The following SEZ6L variants were observed in gnomAD, a reference collection of about 807,000 sequenced individuals.
SEZ6L encodes the protein seizure 6-like protein.
A neutral mutation model predicts 106.2 loss-of-function variants in SEZ6L; 37 were observed. That is an observed-to-expected ratio of 0.35 (90% CI 0.27 to 0.46). The LOEUF is 0.46. SEZ6L is among the 20% of genes least tolerant of loss of function. The pLI, the probability that SEZ6L is intolerant of heterozygous loss-of-function variation, is 1.00. For missense variants in SEZ6L, 1,172 were observed against 1,332.8 expected, an observed-to-expected ratio of 0.88 and a Z score of 1.88; for synonymous variants, 541 against 570.4, an observed-to-expected ratio of 0.95 and a Z score of 0.73.
At chr22:26,227,583 A>ATTTT (rs11415829) in intron 1 of SEZ6L, among the ~76,000 whole-genome samples, 2 of 140,010 alleles carry the variant, frequency 1.4e-5, no homozygotes, top group Non-Finnish European at 3.1e-5. Context: ...CTAATTTTTA[A>ATTTT]TTTTTTTTTT....
intron 1 of SEZ6L, among the ~76,000 whole-genome samples, chr22:26,250,247 A>G (rs540254576): frequency 1.3e-5 from 2 of 152,256 alleles, no homozygotes; most frequent in Middle Eastern, 3.4e-3. Context: ...GCCCAGACCA[A>G]TGAACCAAGA....
chr22:26,267,249 G>A (rs2080219952), intron 1 of SEZ6L, among the ~76,000 whole-genome samples: 1 of 152,190 alleles, frequency 6.6e-6, no homozygotes. Flanking sequence ...ACAAAAATGT[G>A]CCTCAGTGGC....
At chr22:26,215,424 T>C (rs2078272657) in intron 1 of SEZ6L, among the ~76,000 whole-genome samples, 1 of 152,138 alleles carries the variant, frequency 6.6e-6, no homozygotes, top group South Asian at 2.1e-4. Context: ...CTGGTCTTCT[T>C]TTTCCTTGCT....
At chr22:26,248,163 G>A (rs1035190085) in intron 1 of SEZ6L, among the ~76,000 whole-genome samples, 5 of 152,212 alleles carry the variant, frequency 3.3e-5, no homozygotes, top group African/African-American at 1.2e-4. Context: ...TGTGTGCCAG[G>A]TAGTTCGTAG....
intron 1 of SEZ6L, among the ~76,000 whole-genome samples, chr22:26,227,307 G>C (rs2145736646): frequency 6.6e-6 from 1 of 152,234 alleles, no homozygotes; most frequent in South Asian, 2.1e-4. Flanking sequence ...ACATCCCAAG[G>C]TTTTATTCTG....
intron 1 of SEZ6L, among the ~76,000 whole-genome samples, chr22:26,258,509 T>C (rs1220074614): frequency 6.6e-6 from 1 of 152,156 alleles, no homozygotes; most frequent in African/African-American, 2.4e-5. Flanking sequence ...CACAGCACAT[T>C]TGATGATAAT....
intron 1 of SEZ6L, among the ~76,000 whole-genome samples, chr22:26,266,572 CAAAAATAAATAAATAAATAA>C (rs2080192950): frequency 8.5e-6 from 1 of 117,886 alleles, no homozygotes; most frequent in East Asian, 2.4e-4. Flanking sequence ...GACTCCGTCT[CAAAAATAAATAAATAAATAA>C]ATAAATAAAT....
chr22:26,369,736 T>G (rs180984242), intron 13 of SEZ6L, among the ~76,000 whole-genome samples: 1 of 152,044 alleles, frequency 6.6e-6, no homozygotes, highest in African/African-American at 2.4e-5. Flanking sequence ...CTTCCCTCAT[T>G]CCCCCATAAT....
chr22:26,180,809 T>C (rs756196577), intron 1 of SEZ6L, among the ~76,000 whole-genome samples: 1 of 152,068 alleles, frequency 6.6e-6, no homozygotes, highest in African/African-American at 2.4e-5. Flanking sequence ...ATAAGGGAGG[T>C]TGGTAGGAAC....
Position 26,169,645 on chromosome 22 carries a change from C to T in SEZ6L, c.-25C>T, listed in dbSNP as rs925737012. ...CGCCGTCCGCCCGCCCCACAGCCAG[C>T]GGCTCCGCGCCCCCTGCAGCCACGA... On this transcript the variant is annotated 5_prime_UTR_variant, in exon 1 of 17. Transcript: ENST00000248933. The T allele has an allele frequency of 9.0e-6, 9 of 1,002,946 alleles. No homozygotes were observed. The highest frequency in any genetic ancestry group is 8.5e-5 in the African/African-American group (5 of 58,872). The allele number at this position is 1,002,946 out of a possible 1,614,324, so 62.1% of individuals were successfully genotyped here. A position where few individuals can be genotyped will look rare whatever the true frequency, so the allele number is the denominator to read the frequency against.
chr22:26,336,643 C>T (rs142759362), intron 9 of SEZ6L, among the ~76,000 whole-genome samples: 5 of 152,214 alleles, frequency 3.3e-5, no homozygotes, highest in African/African-American at 7.2e-5. Flanking sequence ...TGTTGCACAC[C>T]GTTTACAATG....
intron 13 of SEZ6L, among the ~76,000 whole-genome samples, chr22:26,369,915 C>T (rs1425095042): frequency 6.6e-6 from 1 of 152,136 alleles, no homozygotes; most frequent in East Asian, 1.9e-4. Context: ...TCATACCCGA[C>T]CTGAATTTAT....
intron 1 of SEZ6L, among the ~76,000 whole-genome samples, chr22:26,247,105 A>T (rs2145785298): frequency 6.6e-6 from 1 of 152,310 alleles, no homozygotes; most frequent in East Asian, 1.9e-4. Context: ...TCATCTCATG[A>T]TGTGAAATGA....
chr22:26,174,692 C>T (rs1273095964), intron 1 of SEZ6L, among the ~76,000 whole-genome samples: 1 of 152,134 alleles, frequency 6.6e-6, no homozygotes, highest in African/African-American at 2.4e-5. Flanking sequence ...AGAAGCATCC[C>T]TTTGGTGGCT....
chr22:26,315,261 C>G (rs1207467223), intron 9 of SEZ6L, among the ~76,000 whole-genome samples: 1 of 152,158 alleles, frequency 6.6e-6, no homozygotes, highest in African/African-American at 2.4e-5. Flanking sequence ...AGGAGGATTG[C>G]TTGAGACCAG....
intron 16 of SEZ6L, among the ~76,000 whole-genome samples, chr22:26,378,494 A>G (rs1056025097): frequency 7.4e-4 from 112 of 152,220 alleles, no homozygotes; most frequent in African/African-American, 2.6e-3. Context: ...CTGACAATCC[A>G]ATGTGCCCAT....
Position 26,169,678 on chromosome 22 carries a change from G to A in SEZ6L, c.9G>A (p.Ala3=). The A allele has an allele frequency of 1.5e-6, 2 of 1,312,958 alleles. No individual in the cohort carries two copies. The allele number at this position is 1,312,958 out of a possible 1,614,324, so 81.3% of individuals were successfully genotyped here. ...CGCCCCCTGCAGCCACGATGCCCGC[G>A]GCCCGGCCGCCCGCCGCGGGACTCC... is the stretch of plus-strand genomic sequence containing the variant. The part of the protein sequence containing the change: MP[A]ARPPAAGLRG... Residue 3 remains alanine, a synonymous_variant, in exon 1 of 17, where the codon GCG becomes GCA. Transcript: ENST00000248933.
intron 1 of SEZ6L, among the ~76,000 whole-genome samples, chr22:26,269,917 A>G (rs1382011812): frequency 6.6e-6 from 1 of 152,198 alleles, no homozygotes; most frequent in Non-Finnish European, 1.5e-5. Context: ...AAGGAAAAGG[A>G]CCAGAAAAAA....
intron 1 of SEZ6L, among the ~76,000 whole-genome samples, chr22:26,279,465 C>G (rs2080685637): frequency 1.3e-5 from 2 of 152,168 alleles, no homozygotes; most frequent in South Asian, 4.1e-4. Flanking sequence ...CTCTTCTTTC[C>G]TGCCTTTCCT....
Sources: allele counts gnomAD v4.1 joint callset (sites outside exome capture counted in the v4.1 genomes callset), GRCh38; gene constraint gnomAD v4.1.1; transcripts MANE v1.5; gene names NCBI Gene and HGNC (gene_info 2026-07-23, HGNC 2026-07-21).